Variants in SCAPER observed in about 807,000 individuals in gnomAD.
The protein encoded by SCAPER is S phase cyclin A-associated protein in the endoplasmic reticulum.
In SCAPER, 98 loss-of-function variants were observed where a neutral mutation model predicts 182.2. That is an observed-to-expected ratio of 0.54 (90% CI 0.46 to 0.64). The LOEUF (loss-of-function observed/expected upper bound fraction) is 0.64, where lower values mean the gene tolerates loss of function less well. SCAPER is among the 30% of genes least tolerant of loss of function. SCAPER has a pLI of 0.00. For synonymous variants in SCAPER, 605 were observed against 564.6 expected (o/e 1.07, Z -1.01); for missense variants, 1,432 against 1,690.0 (o/e 0.85, Z 2.68).
intron 25 of SCAPER, among the ~76,000 whole-genome samples, chr15:76,452,494 T>C (rs1266504135): frequency 6.6e-6 from 1 of 152,220 alleles, no homozygotes; most frequent in African/African-American, 2.4e-5. Flanking sequence ...TAGTATGAGT[T>C]AGGTGTTTTA....
intron 26 of SCAPER, among the ~76,000 whole-genome samples, chr15:76,416,150 TA>T (rs1567091866): frequency 6.6e-6 from 1 of 151,692 alleles, no homozygotes; most frequent in Non-Finnish European, 1.5e-5. Context: ...CAGTGAACAT[TA>T]AAAAATATTC....
chr15:76,511,639 CTG>C (rs2042031666), intron 23 of SCAPER, among the ~76,000 whole-genome samples: 1 of 152,034 alleles, frequency 6.6e-6, no homozygotes, highest in Admixed American at 6.6e-5. Context: ...TTTGCATAAA[CTG>C]TTCCTTTTCA....
At chr15:76,841,454 T>C (rs1486708875) in intron 5 of SCAPER, among the ~76,000 whole-genome samples, 1 of 151,960 alleles carries the variant, frequency 6.6e-6, no homozygotes, top group Non-Finnish European at 1.5e-5. Flanking sequence ...CGAGACCAGC[T>C]TGACTAACAC....
chr15:76,836,436 A>T (rs1418167065), intron 5 of SCAPER, among the ~76,000 whole-genome samples: 1 of 152,176 alleles, frequency 6.6e-6, no homozygotes, highest in East Asian at 1.9e-4. Flanking sequence ...TCATATCTTC[A>T]AAAAGTCAAC....
intron 26 of SCAPER, among the ~76,000 whole-genome samples, chr15:76,409,098 T>C (rs952978006): frequency 6.6e-6 from 1 of 152,186 alleles, no homozygotes; most frequent in African/African-American, 2.4e-5. Flanking sequence ...CTTGACTGCA[T>C]GGACAATCTT....
At chr15:76,859,244 T>C (rs2071671588) in intron 3 of SCAPER, among the ~76,000 whole-genome samples, 1 of 152,206 alleles carries the variant, frequency 6.6e-6, no homozygotes, top group African/African-American at 2.4e-5. Context: ...AACACACAGG[T>C]ACCTAACTAT....
chr15:76,871,336 G>C (rs760351705), intron 2 of SCAPER, among the ~76,000 whole-genome samples: 20 of 148,708 alleles, frequency 1.3e-4, no homozygotes, highest in Non-Finnish European at 2.4e-4. Context: ...TTGAACCCAG[G>C]AGGCAGAGGT....
chr15:76,647,624 A>G (rs993694089), intron 21 of SCAPER, among the ~76,000 whole-genome samples: 2 of 152,202 alleles, frequency 1.3e-5, no homozygotes, highest in African/African-American at 4.8e-5. Flanking sequence ...GAAGGTCTAC[A>G]AATCTTCAGA....
chr15:76,793,168 T>A (rs779983938), intron 8 of SCAPER: 13 of 1,018,844 alleles, frequency 1.3e-5, no homozygotes, highest in Non-Finnish European at 1.9e-5. Flanking sequence ...TTATTTTTTA[T>A]AACACAAAAA....
intron 13 of SCAPER, 73 bp from the exon 14 acceptor site, chr15:76,765,145 C>A: frequency 8.5e-7 from 1 of 1,173,216 alleles, no homozygotes; most frequent in Non-Finnish European, 1.2e-6. Context: ...GTTCTTTAGA[C>A]TTCATAGTTC....
intron 22 of SCAPER, among the ~76,000 whole-genome samples, chr15:76,615,137 C>A (rs1349437985): frequency 2.0e-5 from 3 of 151,990 alleles, no homozygotes; most frequent in South Asian, 2.1e-4. Context: ...TGAAGAAAAG[C>A]CTTGGACTTG....
chr15:76,845,425 C>A (rs1010279507), intron 4 of SCAPER, among the ~76,000 whole-genome samples: 1 of 152,108 alleles, frequency 6.6e-6, no homozygotes, highest in African/African-American at 2.4e-5. Flanking sequence ...GTCAAATTAT[C>A]CTTGTTTGCA....
chr15:76,742,385 A>T (rs1237802664), intron 15 of SCAPER, among the ~76,000 whole-genome samples: 1 of 2,784 alleles, frequency 3.6e-4, no homozygotes, highest in Non-Finnish European at 3.0e-3. Flanking sequence ...TTTAACTGAT[A>T]AAAAAAAACA....
chr15:76,644,853 C>T (rs773082976), intron 21 of SCAPER, among the ~76,000 whole-genome samples: 4 of 152,038 alleles, frequency 2.6e-5, no homozygotes, highest in Middle Eastern at 3.4e-3. Context: ...ATATACCCTC[C>T]CAGACACATA....
intron 21 of SCAPER, among the ~76,000 whole-genome samples, chr15:76,631,566 T>C (rs563266423): frequency 6.6e-6 from 1 of 152,294 alleles, no homozygotes; most frequent in Non-Finnish European, 1.5e-5. Context: ...TTTGGCCGGA[T>C]ATGAAATTTT....
At chr15:76,793,241 T>C (rs1301791347) in intron 8 of SCAPER, 1 of 1,114,390 alleles carries the variant, frequency 9.0e-7, no homozygotes. Flanking sequence ...ACCTGTGATA[T>C]TGCAAAATAT....
intron 17 of SCAPER, among the ~76,000 whole-genome samples, chr15:76,721,299 A>G (rs2060225383): frequency 1.3e-5 from 2 of 152,096 alleles, no homozygotes; most frequent in Admixed American, 1.3e-4. Flanking sequence ...CTGTTTTGGT[A>G]CCAGTACCAT....
At chr15:76,725,078 C>A (rs56657994) in intron 17 of SCAPER, among the ~76,000 whole-genome samples, 1 of 152,084 alleles carries the variant, frequency 6.6e-6, no homozygotes, top group South Asian at 2.1e-4. Context: ...TCTCCACCCC[C>A]CAATAAATGG....
At chr15:76,772,702 G>A (rs1319813156) in intron 9 of SCAPER, among the ~76,000 whole-genome samples, 2 of 151,992 alleles carry the variant, frequency 1.3e-5, no homozygotes, top group East Asian at 3.9e-4. Flanking sequence ...CAGTGGCTTA[G>A]GCTAAATACA....
Sources: allele counts gnomAD v4.1 joint callset (sites outside exome capture counted in the v4.1 genomes callset), GRCh38; gene constraint gnomAD v4.1.1; transcripts MANE v1.5; gene names NCBI Gene and HGNC (gene_info 2026-07-23, HGNC 2026-07-21).